BTBD7: variants seen among roughly 807,000 people sequenced by gnomAD.
The protein encoded by BTBD7 is BTB domain containing 7.
Under a neutral mutation model 99.9 loss-of-function variants are expected in BTBD7, and 38 were observed. That is an observed-to-expected ratio of 0.38 (90% confidence interval 0.29 to 0.50). BTBD7 has a LOEUF of 0.50. Among genes scored for constraint, BTBD7 ranks in the 20% least tolerant of loss-of-function variants. BTBD7 has a pLI of 0.93. For synonymous variants in BTBD7, 520 were observed against 511.4 expected (o/e 1.02, Z -0.23); for missense variants, 1,170 against 1,394.6 (o/e 0.84, Z 2.57).
chr14:93,328,635 A>T (rs959419167), intron 1 of BTBD7, among the ~76,000 whole-genome samples: 9 of 134,860 alleles, frequency 6.7e-5, no homozygotes, highest in Non-Finnish European at 9.6e-5. Context: ...AAAAAAAAAA[A>T]AGGCTGGGCA....
At chr14:93,319,996 T>G (rs537201824) in intron 1 of BTBD7, among the ~76,000 whole-genome samples, 3 of 152,174 alleles carry the variant, frequency 2.0e-5, no homozygotes, top group Non-Finnish European at 2.9e-5. Context: ...GCCAGAGAGA[T>G]AGAGGAAAAC....
At chr14:93,257,146 C>T (rs779888690) in intron 6 of BTBD7, 49 bp downstream of exon 6, 2 of 1,562,488 alleles carry the variant, frequency 1.3e-6, no homozygotes, top group Non-Finnish European at 1.8e-6. Flanking sequence ...AAAACATACA[C>T]CTGGCATTTT....
intron 9 of BTBD7, among the ~76,000 whole-genome samples, chr14:93,248,177 A>G (rs2139680166): frequency 6.6e-6 from 1 of 152,336 alleles, no homozygotes; most frequent in South Asian, 2.1e-4. Flanking sequence ...AACAATTTAT[A>G]TTACAGGTAA....
chr14:93,291,615 A>G (rs2052856215), intron 3 of BTBD7, among the ~76,000 whole-genome samples: 1 of 151,694 alleles, frequency 6.6e-6, no homozygotes, highest in African/African-American at 2.4e-5. Flanking sequence ...AAATAACTCA[A>G]ACTCTATTTT....
At chr14:93,301,868 A>C (rs2053008756) in intron 1 of BTBD7, among the ~76,000 whole-genome samples, 1 of 152,236 alleles carries the variant, frequency 6.6e-6, no homozygotes, top group Non-Finnish European at 1.5e-5. Context: ...CAAAGCTTTT[A>C]TTCTGGGGCT....
At position 93,323,816 on chromosome 14, in the gene BTBD7, CT is replaced by C. The variant is rs1453590950; in HGVS notation, c.-107+9003del. Among the ~76,000 whole-genome samples the C allele has an allele frequency of 2.0e-5, 3 of 152,158 alleles. No homozygotes were observed. In the East Asian group the frequency reaches 5.8e-4, roughly 29 times the overall value. ...CACGTCATGTTTATTTAAAAAATGGCTTACAATTAGCAGAACAGAAACTCTT... is the reference window on the plus strand; with the variant it reads ...CACGTCATGTTTATTTAAAAAATGGCTACAATTAGCAGAACAGAAACTCTT... On this transcript the variant is annotated intron_variant, in intron 1 of 10. Transcript: ENST00000334746.
intron 4 of BTBD7, among the ~76,000 whole-genome samples, chr14:93,262,819 A>G (rs925438939): frequency 1.3e-5 from 2 of 151,930 alleles, no homozygotes; most frequent in Non-Finnish European, 2.9e-5. Context: ...GAAGGAATGC[A>G]AAGCTCCTAA....
At chr14:93,325,460 T>G (rs773719291) in intron 1 of BTBD7, among the ~76,000 whole-genome samples, 3 of 152,004 alleles carry the variant, frequency 2.0e-5, no homozygotes, top group Non-Finnish European at 2.9e-5. Context: ...CATAGTAATA[T>G]AGAGAATAGC....
In BTBD7 at chr14:93,242,342, T is replaced by A. The variant is rs749620723; in HGVS notation, c.3330A>T (p.Glu1110Asp). The A allele has an allele frequency of 6.2e-7, 1 of 1,614,214 alleles. No individual in the cohort carries two copies. Among genetic ancestry groups the A allele is most frequent in the East Asian group, 2.2e-5 (1 of 44,882 alleles). The change falls in exon 11 of 11, where the codon GAA becomes GAT. Residue 1110 changes from glutamate (E) to aspartate (D), a missense_variant. Transcript: ENST00000334746. ...ACCTCCTTCCTCTGCTTATTGAATC[T>A]TCCCTTTCCAAATCTGTATTTCTCT... The part of the protein sequence containing the change: ...GAQRNTDLER[E>D]DSISRGRRSP...
chr14:93,308,490 C>A (rs1378840310), intron 1 of BTBD7, among the ~76,000 whole-genome samples: 2 of 152,024 alleles, frequency 1.3e-5, no homozygotes, highest in Non-Finnish European at 2.9e-5. Context: ...TATGATCCAG[C>A]AATTCCATTT....
At chr14:93,254,336 A>G (rs2052405268) in intron 6 of BTBD7, among the ~76,000 whole-genome samples, 1 of 152,254 alleles carries the variant, frequency 6.6e-6, no homozygotes, top group South Asian at 2.1e-4. Context: ...TAAAAACGAG[A>G]CACATTAATT....
intron 3 of BTBD7, among the ~76,000 whole-genome samples, chr14:93,281,414 G>C (rs906240973): frequency 6.6e-5 from 10 of 152,186 alleles, no homozygotes; most frequent in African/African-American, 2.4e-4. Flanking sequence ...TGGGATTACA[G>C]GCATGAGCCG....
chr14:93,256,526 C>G (rs11620673), intron 6 of BTBD7: 8,641 of 151,794 alleles, frequency 0.057, 455 homozygotes, highest in African/African-American at 0.13. Flanking sequence ...TCAAGCAATT[C>G]CCCTGCCTCA....
chr14:93,275,664 T>C (rs1046741049), intron 3 of BTBD7, among the ~76,000 whole-genome samples: 9 of 152,208 alleles, frequency 5.9e-5, no homozygotes, highest in African/African-American at 1.9e-4. Flanking sequence ...GTACACAGTA[T>C]ATAAGGCCAT....
At chr14:93,321,062 G>A (rs1313215305) in intron 1 of BTBD7, among the ~76,000 whole-genome samples, 2 of 152,166 alleles carry the variant, frequency 1.3e-5, no homozygotes, top group African/African-American at 2.4e-5. Context: ...TATAAAAAAT[G>A]AGCTTGTAAC....
At chr14:93,306,174 A>C (rs2053067389) in intron 1 of BTBD7, among the ~76,000 whole-genome samples, 1 of 152,232 alleles carries the variant, frequency 6.6e-6, no homozygotes, top group Non-Finnish European at 1.5e-5. Flanking sequence ...AATGGTGGAG[A>C]GGAAGAAGGA....
intron 3 of BTBD7, among the ~76,000 whole-genome samples, chr14:93,275,577 G>A (rs1223509216): frequency 6.6e-6 from 1 of 152,156 alleles, no homozygotes; most frequent in Non-Finnish European, 1.5e-5. Context: ...AGCATTGTTA[G>A]GCAATTTCAT....
At chr14:93,319,921 A>G (rs1404195663) in intron 1 of BTBD7, among the ~76,000 whole-genome samples, 1 of 152,238 alleles carries the variant, frequency 6.6e-6, no homozygotes. Context: ...AACAAGAAAG[A>G]AAGGGGCAAA....
In BTBD7 at chr14:93,241,519, A is replaced by G. The variant is rs1595279381; in HGVS notation, c.*754T>C. 6.6e-6 allele frequency: 1 copy of G among 152,154 alleles called. No individual in the cohort carries two copies. Among genetic ancestry groups the G allele is most frequent in the Admixed American group, 6.5e-5 (1 of 15,272 alleles). The allele number at this position is 152,154 out of a possible 1,614,324, so 9.4% of individuals were successfully genotyped here. On this transcript the variant is annotated 3_prime_UTR_variant, in exon 11 of 11. Transcript: ENST00000334746. The stretch of plus-strand genomic sequence containing the variant: ...TCATCTGGTGACTCTAATCCTTATG[A>G]CCAGAATGTGCAGGGATTCTGACTG...
Sources: allele counts gnomAD v4.1 joint callset (sites outside exome capture counted in the v4.1 genomes callset), GRCh38; gene constraint gnomAD v4.1.1; transcripts MANE v1.5; gene names NCBI Gene and HGNC (gene_info 2026-07-23, HGNC 2026-07-21).